The following UGT3A1 variants were observed in gnomAD, a reference collection of about 807,000 sequenced individuals.
UGT3A1 encodes the protein UDP glycosyltransferase family 3 member A1, also known as UDP-glycosyltransferase 3A1.
A neutral mutation model predicts 37.6 loss-of-function variants in UGT3A1; 40 were observed. The observed-to-expected ratio is 1.06, with a 90% CI of 0.83 to 1.38. UGT3A1 has a LOEUF of 1.38. Ranked by LOEUF, UGT3A1 falls within the 40% of genes most tolerant of loss-of-function variation. The pLI is 0.00. For synonymous variants in UGT3A1, 256 were observed against 232.3 expected, an observed-to-expected ratio of 1.10 and a Z score of -0.93; for missense variants, 642 against 634.2, an observed-to-expected ratio of 1.01 and a Z score of -0.13.
chr5:35,968,457 C>T (rs2149965176), intron 2 of UGT3A1, among the ~76,000 whole-genome samples: 1 of 152,192 alleles, frequency 6.6e-6, no homozygotes, highest in South Asian at 2.1e-4. Context: ...AATTTGTCTC[C>T]TTTGCACACA....
At chr5:35,955,578 C>G in intron 6 of UGT3A1, 67 bp downstream of exon 6, 1 of 1,557,876 alleles carries the variant, frequency 6.4e-7, no homozygotes, top group African/African-American at 1.4e-5. Flanking sequence ...AAAATACATA[C>G]ACAGTATCCC....
In UGT3A1 at chr5:35,954,145, G is replaced by C; in HGVS notation, c.*57C>G. 2 of 1,568,024 alleles carry C rather than the reference G, an allele frequency of 1.3e-6. No homozygotes were observed. The highest frequency in any genetic ancestry group is 1.7e-6 in the Non-Finnish European group (2 of 1,151,914). ...CAGAGGGGTGGCGTGTGCTGGGGTG[G>C]GGAGAACCTTCAAAGGACCAGGGAT... On this transcript the variant is annotated 3_prime_UTR_variant, in exon 7 of 7. Coordinates refer to ENST00000274278, the MANE Select transcript of UGT3A1 (RefSeq NM_152404.4).
Position 35,998,539 on chromosome 5 carries a change from A to T in UGT3A1, c.-159-1210T>A, listed in dbSNP as rs150262945. ...AACTATTTCCCACTACAGTGATCTT[A>T]ATCCAGCCACTCTCTTGCTGGGACT... is the stretch of plus-strand genomic sequence containing the variant. On this transcript the variant is annotated intron_variant, in intron 1 of 5. Coordinates refer to the UGT3A1 transcript ENST00000625798. Among the ~76,000 whole-genome samples the T allele has an allele frequency of 2.8e-3, 426 of 152,356 alleles. 2 individuals carry two copies. The highest frequency in any genetic ancestry group is 9.5e-3 in the African/African-American group (397 of 41,586).
chr5:35,978,384 A>C, intron 2 of UGT3A1, among the ~76,000 whole-genome samples: 1 of 152,170 alleles, frequency 6.6e-6, no homozygotes. Context: ...GTAATTTGCC[A>C]AAAGAAAAGA....
chr5:35,968,626 G>A (rs1182586645), intron 2 of UGT3A1, among the ~76,000 whole-genome samples: 5 of 152,062 alleles, frequency 3.3e-5, no homozygotes, highest in African/African-American at 1.2e-4. Context: ...TTTAAAAATG[G>A]TAGTCCCCTT....
chr5:35,982,953 G>T (rs984891950), intron 2 of UGT3A1, among the ~76,000 whole-genome samples: 3 of 152,038 alleles, frequency 2.0e-5, no homozygotes, highest in African/African-American at 7.2e-5. Context: ...CTCCTCCCTT[G>T]CCTTCTCTCT....
intron 2 of UGT3A1, among the ~76,000 whole-genome samples, chr5:35,984,322 G>A (rs923832962): frequency 5.3e-5 from 8 of 152,118 alleles, no homozygotes; most frequent in African/African-American, 1.9e-4. Context: ...TTGATGCTCA[G>A]TCTTATTTAT....
chr5:35,955,692 T>G lies in UGT3A1; in HGVS notation c.1248A>C (p.Thr416=), dbSNP rs1437042140. 1 of 1,614,244 alleles carries G rather than the reference T, an allele frequency of 6.2e-7. No individual in the cohort carries two copies. Among genetic ancestry groups the G allele is most frequent in the Admixed American group, 1.7e-5 (1 of 60,036 alleles). The part of the protein sequence containing the change: ...YGVSIRLNQV[T]ADTLTLTMKQ... ...TCATTGTAAGTGTCAGTGTGTCGGC[T>G]GTGACCTGATTCAACCGGATAGAGA... The change falls in exon 6 of 7, where the codon ACA becomes ACC. Residue 416 remains threonine, a synonymous_variant. Transcript: ENST00000274278.
chr5:35,982,683 G>A (rs1219738845), intron 2 of UGT3A1, among the ~76,000 whole-genome samples: 1 of 152,228 alleles, frequency 6.6e-6, no homozygotes, highest in East Asian at 1.9e-4. Flanking sequence ...GCTGGAATGA[G>A]TTAAGATTTT....
Position 35,965,821 on chromosome 5 carries a change from A to T in UGT3A1, c.408T>A (p.Asn136Lys), listed in dbSNP as rs535546426. Reference protein sequence around the residue: ...SRKDIMDSLKNENYDLVFVEA... With the variant: ...SRKDIMDSLKKENYDLVFVEA... Reference sequence around the variant, plus strand: ...CAACAAATACCAGATCATAGTTCTCATTCTTTAAGGAATCCATTATATCCT... The same window carrying T: ...CAACAAATACCAGATCATAGTTCTCTTTCTTTAAGGAATCCATTATATCCT... The change falls in exon 4 of 7, where the codon AAT becomes AAA. Residue 136 changes from asparagine to lysine, a missense_variant. Coordinates refer to ENST00000274278, the MANE Select transcript of UGT3A1 (RefSeq NM_152404.4). 1.2e-6 allele frequency: 2 copies of T among 1,613,888 alleles called. No homozygotes were observed. The highest frequency in any genetic ancestry group is 1.3e-5 in the African/African-American group (1 of 75,070).
rs1412057063 is a variant in UGT3A1 at position 35,951,782 on chromosome 5, A to G, written c.*2420T>C. 6.6e-6 allele frequency: 1 copy of G among 152,186 alleles called. No individual in the cohort carries two copies. Among genetic ancestry groups the G allele is most frequent in the Non-Finnish European group, 1.5e-5 (1 of 68,026 alleles). The allele number at this position is 152,186 out of a possible 1,614,324, so 9.4% of individuals were successfully genotyped here. ...TCTCTCCCTATACACAGGCTATGGA[A>G]AAATTCACTTTTTCTCTTAGACTCA... On this transcript the variant is annotated 3_prime_UTR_variant, in exon 7 of 7. Coordinates refer to ENST00000274278, the MANE Select transcript of UGT3A1 (RefSeq NM_152404.4).
chr5:35,990,291 A>G (rs1221040943), intron 1 of UGT3A1, among the ~76,000 whole-genome samples: 1 of 152,002 alleles, frequency 6.6e-6, no homozygotes, highest in Non-Finnish European at 1.5e-5. Context: ...GCACTAAATT[A>G]GATGATCCGT....
chr5:35,977,086 GAAAGAGAAAGAAAGAAAGAGAA>G (rs1056536101), intron 2 of UGT3A1, among the ~76,000 whole-genome samples: 1 of 75,158 alleles, frequency 1.3e-5, no homozygotes, highest in African/African-American at 5.1e-5. Flanking sequence ...AAGAAAGAAA[GAAAGAGAAAGAAAGAAAGAGAA>G]AGAGAGAAAG....
chr5:35,951,583 T>C lies in UGT3A1; in HGVS notation c.*2619A>G, dbSNP rs1253738190. 6.6e-6 allele frequency: 1 copy of C among 152,204 alleles called. No individual in the cohort carries two copies. The highest frequency in any genetic ancestry group is 1.5e-5 in the Non-Finnish European group (1 of 68,022). The allele number at this position is 152,204 out of a possible 1,614,324, so 9.4% of individuals were successfully genotyped here. On this transcript the variant is annotated 3_prime_UTR_variant, in exon 7 of 7. Transcript: ENST00000274278. ...TTCTTCAATTTTAATAGTTCTTAGT[T>C]TATCAGAAATATTAGGTCTATGTGT... is the stretch of plus-strand genomic sequence containing the variant.
At chr5:35,990,834 G>A in intron 1 of UGT3A1, 1 of 940,466 alleles carries the variant, frequency 1.1e-6, no homozygotes, top group Non-Finnish European at 1.4e-6. Flanking sequence ...CTCTAGAGAA[G>A]GCAGCCCAGG....
intron 1 of UGT3A1, 148 bp downstream of exon 1, chr5:35,990,999 A>G (rs1740924190): frequency 1.1e-5 from 18 of 1,577,238 alleles, no homozygotes; most frequent in African/African-American, 2.7e-5. Flanking sequence ...CCCCACGGCT[A>G]GATGGGCTTC....
rs777490389 is a variant in UGT3A1 at position 35,965,696 on chromosome 5, G to A, written c.533C>T (p.Pro178Leu). 1.9e-6 allele frequency: 3 copies of A among 1,614,140 alleles called. No homozygotes were observed. Among genetic ancestry groups the A allele is most frequent in the South Asian group, 1.1e-5 (1 of 91,072 alleles). The stretch of plus-strand genomic sequence containing the variant: ...TACTGGAACATAAGACAAGGGGCTT[G>A]GTAGCCCAAAATCCAAAGAGCCGAA... ...TTFGSLDFGL[P>L]SPLSYVPVFP... Residue 178 changes from proline to leucine, a missense_variant, in exon 4 of 7, where the codon CCA becomes CTA. By Grantham distance (98) the Pro-to-Leu change is moderately conservative. Coordinates refer to ENST00000274278, the MANE Select transcript of UGT3A1 (RefSeq NM_152404.4).
chr5:35,999,926 G>GA (rs1167940386), intron 1 of UGT3A1, among the ~76,000 whole-genome samples: 6 of 152,140 alleles, frequency 3.9e-5, no homozygotes, highest in Non-Finnish European at 8.8e-5. Flanking sequence ...AAATCTACTA[G>GA]AAAAAAATTA....
upstream of UGT3A1, chr5:35,991,732 T>C (rs1003435009): frequency 1.3e-5 from 10 of 760,418 alleles, no homozygotes; most frequent in African/African-American, 1.9e-4. Flanking sequence ...AGAAACCTGC[T>C]GAAAATCTCT....
Sources: allele counts gnomAD v4.1 joint callset (sites outside exome capture counted in the v4.1 genomes callset), GRCh38; gene constraint gnomAD v4.1.1; transcripts MANE v1.5; gene names NCBI Gene and HGNC (gene_info 2026-07-23, HGNC 2026-07-21).